The following ADGRL3 variants were observed in gnomAD, a reference collection of about 807,000 sequenced individuals.
ADGRL3 encodes the protein calcium-independent alpha-latrotoxin receptor 3.
Under a neutral mutation model 153.5 loss-of-function variants are expected in ADGRL3, and 62 were observed. The observed-to-expected ratio is 0.40, with a 90% CI of 0.33 to 0.50. The LOEUF (loss-of-function observed/expected upper bound fraction) is 0.50, where lower values mean the gene tolerates loss of function less well. Ranked by LOEUF, ADGRL3 falls within the 20% of genes least tolerant of loss-of-function variation. The pLI, the probability that ADGRL3 is intolerant of heterozygous loss-of-function variation, is 0.47. For synonymous variants in ADGRL3, 710 were observed against 672.5 expected (o/e 1.06, Z -0.86); for missense variants, 1,641 against 1,859.4 (o/e 0.88, Z 2.16).
chr4:61,745,088 T>C (rs537283703), intron 8 of ADGRL3, among the ~76,000 whole-genome samples: 1 of 152,122 alleles, frequency 6.6e-6, no homozygotes, highest in East Asian at 1.9e-4. Flanking sequence ...CAGGAGCCAA[T>C]GCGATCAACT....
At chr4:61,809,284 G>A (rs2097582602) in intron 8 of ADGRL3, among the ~76,000 whole-genome samples, 1 of 152,044 alleles carries the variant, frequency 6.6e-6, no homozygotes, top group Non-Finnish European at 1.5e-5. Flanking sequence ...TTTCCCAATT[G>A]CATAACTTCA....
intron 17 of ADGRL3, among the ~76,000 whole-genome samples, chr4:61,971,176 C>T (rs1214734685): frequency 6.6e-6 from 1 of 150,798 alleles, no homozygotes; most frequent in Non-Finnish European, 1.5e-5. Flanking sequence ...TATTATTATA[C>T]TTTAAGTTTT....
At chr4:61,545,200 C>T (rs1464165083) in intron 4 of ADGRL3, among the ~76,000 whole-genome samples, 2 of 152,146 alleles carry the variant, frequency 1.3e-5, no homozygotes, top group Non-Finnish European at 1.5e-5. Context: ...TTAAAAATTA[C>T]AGACCAAGCT....
At chr4:61,698,447 C>T (rs1260551325) in intron 6 of ADGRL3, among the ~76,000 whole-genome samples, 2 of 151,888 alleles carry the variant, frequency 1.3e-5, no homozygotes, top group African/African-American at 4.8e-5. Context: ...GAGACTCCAT[C>T]TCAAACAAAC....
chr4:61,330,147 C>T (rs547313623), intron 1 of ADGRL3, among the ~76,000 whole-genome samples: 1 of 152,156 alleles, frequency 6.6e-6, no homozygotes. Context: ...ATTTCAAGGA[C>T]AGACGTATTC....
intron 1 of ADGRL3, among the ~76,000 whole-genome samples, chr4:61,267,179 C>A (rs2092900077): frequency 1.3e-5 from 2 of 151,592 alleles, no homozygotes; most frequent in African/African-American, 4.8e-5. Context: ...TTCATAATAA[C>A]CTTTTCTAAA....
intron 1 of ADGRL3, among the ~76,000 whole-genome samples, chr4:61,242,661 G>A (rs1230670135): frequency 6.6e-6 from 1 of 151,950 alleles, no homozygotes; most frequent in East Asian, 1.9e-4. Flanking sequence ...AATTAGCAGT[G>A]CAGAAAACAC....
At chr4:61,362,689 A>T (rs2151521216) in intron 1 of ADGRL3, among the ~76,000 whole-genome samples, 1 of 152,294 alleles carries the variant, frequency 6.6e-6, no homozygotes, top group Non-Finnish European at 1.5e-5. Flanking sequence ...TCGTCTTCAC[A>T]TTGAGTAGGC....
intron 21 of ADGRL3, among the ~76,000 whole-genome samples, chr4:62,007,395 CATATATAT>C (rs112126943): frequency 5.2e-5 from 4 of 76,432 alleles, no homozygotes; most frequent in Admixed American, 1.6e-4. Context: ...CACACACACA[CATATATAT>C]ATACACGTAT....
chr4:61,302,535 G>T (rs906308082), intron 1 of ADGRL3, among the ~76,000 whole-genome samples: 1 of 151,250 alleles, frequency 6.6e-6, no homozygotes, highest in African/African-American at 2.4e-5. Flanking sequence ...TTTCTATTTA[G>T]ACTAAAATTC....
intron 9 of ADGRL3, among the ~76,000 whole-genome samples, chr4:61,884,879 C>T (rs1470800347): frequency 2.0e-5 from 3 of 151,678 alleles, no homozygotes; most frequent in Non-Finnish European, 4.4e-5. Flanking sequence ...CCCACCTCGG[C>T]CTCCCAAAGT....
intron 21 of ADGRL3, among the ~76,000 whole-genome samples, chr4:62,004,052 G>A (rs979058907): frequency 1.3e-5 from 2 of 151,998 alleles, no homozygotes; most frequent in Admixed American, 6.6e-5. Context: ...GTGTCTAAAT[G>A]TTAGTAAAAA....
intron 8 of ADGRL3, among the ~76,000 whole-genome samples, chr4:61,757,135 A>C (rs1457387612): frequency 6.6e-6 from 1 of 152,216 alleles, no homozygotes; most frequent in East Asian, 1.9e-4. Flanking sequence ...CTGGCCTCAT[A>C]AAATGAGTTA....
intron 2 of ADGRL3, among the ~76,000 whole-genome samples, chr4:61,388,169 G>C (rs1249727553): frequency 6.6e-6 from 1 of 152,072 alleles, no homozygotes; most frequent in East Asian, 1.9e-4. Flanking sequence ...CTCAAATTTT[G>C]AAGACAGAGT....
chr4:61,998,740 T>C (rs2099130486), intron 21 of ADGRL3, among the ~76,000 whole-genome samples: 1 of 151,932 alleles, frequency 6.6e-6, no homozygotes, highest in South Asian at 2.1e-4. Flanking sequence ...CATGCCCTGC[T>C]AATTTTTTTG....
In ADGRL3 at chr4:61,878,624, A is replaced by G. The variant is rs376028250; in HGVS notation, c.1481-14032A>G. 1.9e-3 allele frequency among the ~76,000 whole-genome samples: 293 copies of G among 152,278 alleles called. 7 individuals carry two copies. In the South Asian group the frequency reaches 0.054, roughly 28 times the overall value. On this transcript the variant is annotated intron_variant, in intron 9 of 26. Transcript: ENST00000683033. ...TGAATGATCACATTTGTGAGTCCCA[A>G]TGTTAATATTTTGGAGTAAATCAAG...
At chr4:61,235,007 A>G (rs1247385432) in intron 1 of ADGRL3, among the ~76,000 whole-genome samples, 2 of 152,194 alleles carry the variant, frequency 1.3e-5, no homozygotes, top group Non-Finnish European at 2.9e-5. Flanking sequence ...GAGGAAAACA[A>G]GAAAACCAAC....
In ADGRL3 at chr4:62,076,090, AT is replaced by A. The variant is rs2151952366; in HGVS notation, c.*5185del. ...TGTTTACGATATTTAAAACTTTGTG[AT>A]TTCTGCAATAAAACAGGTAGTTAAT... On this transcript the variant is annotated 3_prime_UTR_variant, in exon 27 of 27. Coordinates refer to ENST00000683033, the MANE Select transcript of ADGRL3 (RefSeq NM_001387552.1). The A allele has an allele frequency of 6.6e-6, 1 of 152,196 alleles. No individual in the cohort carries two copies. The highest frequency in any genetic ancestry group is 1.5e-5 in the Non-Finnish European group (1 of 67,968). 9.4% of individuals were successfully genotyped at this position (152,196 alleles called of 1,614,324 possible).
chr4:61,569,894 A>G (rs560143213), intron 4 of ADGRL3, among the ~76,000 whole-genome samples: 1 of 152,276 alleles, frequency 6.6e-6, no homozygotes, highest in East Asian at 1.9e-4. Context: ...TCAAATTACA[A>G]AAGTATTTTT....
Sources: allele counts gnomAD v4.1 joint callset (sites outside exome capture counted in the v4.1 genomes callset), GRCh38; gene constraint gnomAD v4.1.1; transcripts MANE v1.5; gene names NCBI Gene and HGNC (gene_info 2026-07-23, HGNC 2026-07-21).